RUFY3: variants seen among roughly 807,000 people sequenced by gnomAD.
The protein encoded by RUFY3 is protein RUFY3.
RUFY3 carries 34 observed loss-of-function variants against 84.0 expected under a neutral mutation model. That is an observed-to-expected ratio of 0.40 (90% CI 0.31 to 0.54). RUFY3 has a LOEUF of 0.54. RUFY3 is among the 20% of genes least tolerant of loss of function. The pLI is 0.39. For synonymous variants in RUFY3, 242 were observed against 252.9 expected (o/e 0.96, Z 0.41); for missense variants, 507 against 736.8 (o/e 0.69, Z 3.61).
chr4:70,800,741 G>T (rs1732121196), intron 15 of RUFY3, among the ~76,000 whole-genome samples: 1 of 152,134 alleles, frequency 6.6e-6, no homozygotes, highest in African/African-American at 2.4e-5. Flanking sequence ...AATTAGTCGG[G>T]TCTGGTGGTA....
At chr4:70,733,073 A>AAGAG (rs1223448881) in intron 1 of RUFY3, among the ~76,000 whole-genome samples, 5 of 112,408 alleles carry the variant, frequency 4.4e-5, no homozygotes, top group African/African-American at 1.2e-4. Context: ...TTTCAAAAGA[A>AAGAG]AGAGAGAGAG....
Position 70,768,598 on chromosome 4 carries a change from G to C in RUFY3, c.633G>C (p.Leu211=), listed in dbSNP as rs1320201803. 25 of 1,613,986 alleles carry C rather than the reference G, an allele frequency of 1.5e-5. 1 individual carries two copies. Among genetic ancestry groups the C allele is most frequent in the South Asian group, 4.4e-5 (4 of 91,074 alleles). Residue 211 remains leucine, a synonymous_variant, in exon 5 of 18, where the codon CTG becomes CTC. Transcript: ENST00000381006. ...MEEEGAIIAG[L]LVGLNVIDAN... ...AAGAAGGAGCCATAATTGCTGGTCT[G>C]TTGGTGGGTCTGAATGTCATTGATG... is the stretch of plus-strand genomic sequence containing the variant.
chr4:70,727,741 C>T (rs535888899), intron 1 of RUFY3, among the ~76,000 whole-genome samples: 69 of 148,590 alleles, frequency 4.6e-4, no homozygotes, highest in African/African-American at 1.7e-3. Context: ...GAGCCGAGAT[C>T]GTGCCACTGC....
At chr4:70,741,608 CT>C in intron 1 of RUFY3, 1 of 1,516,312 alleles carries the variant, frequency 6.6e-7, no homozygotes, top group Non-Finnish European at 8.8e-7. Context: ...CTTTTCCTTT[CT>C]TTTTGCCGTT....
rs560891175 is a variant in RUFY3 at position 70,771,232 on chromosome 4, C to T, written c.697-2279C>T. Among the ~76,000 whole-genome samples, 345 of 152,012 alleles carry T rather than the reference C, an allele frequency of 2.3e-3. 1 individual carries two copies. The highest frequency in any genetic ancestry group is 4.2e-3 in the Non-Finnish European group (287 of 67,998). On this transcript the variant is annotated intron_variant, in intron 5 of 17. Coordinates refer to ENST00000381006, the MANE Select transcript of RUFY3 (RefSeq NM_001037442.4). ...AAATGGCACTAATATACTTGCATGA[C>T]GCAGGGTTGCCACAAACCTTCAATT...
upstream of RUFY3, chr4:70,704,361 AC>A (rs2148542234): frequency 6.6e-6 from 1 of 152,392 alleles, no homozygotes; most frequent in East Asian, 1.9e-4. Flanking sequence ...ACAGTTTAAT[AC>A]CCGGGGGCAG....
rs542017345 is a variant in RUFY3, at chr4:70,707,664, C to T, written c.358+2370C>T. Among the ~76,000 whole-genome samples, 4 of 151,656 alleles carry T rather than the reference C, an allele frequency of 2.6e-5. No individual in the cohort carries two copies. In the South Asian group the frequency reaches 8.3e-4, roughly 32 times the overall value. ...TTACTGGGAATATATACGTGTCCCA[C>T]TTCCTCTGCTTTTAAAGATTAGTCA... On this transcript the variant is annotated intron_variant, in intron 1 of 11. Coordinates refer to the RUFY3 transcript ENST00000417478.
rs201038024 is a variant in RUFY3, at chr4:70,788,853, G to C, written c.1119G>C (p.Met373Ile). The change falls in exon 11 of 18, where the codon ATG becomes ATC. Residue 373 changes from methionine to isoleucine, a missense_variant. By Grantham distance (10) the Met-to-Ile change is conservative (BLOSUM62 1). This residue lies in a region of RUFY3 where 334 missense variants were observed against 364.1 expected (regional missense o/e 0.92). Coordinates refer to ENST00000381006, the MANE Select transcript of RUFY3 (RefSeq NM_001037442.4). ...TGCAGATCAGCATGAGGCAGGAGAT[G>C]GAATTGGCTATGAAGATGCTGGAGA... ...LEMQISMRQE[M>I]ELAMKMLEKD... 2.2e-5 allele frequency: 36 copies of C among 1,614,028 alleles called. No individual in the cohort carries two copies. Among genetic ancestry groups the C allele is most frequent in the Non-Finnish European group, 3.0e-5 (35 of 1,180,034 alleles).
Position 70,722,256 on chromosome 4 carries a change from G to C in RUFY3, c.-318G>C. 1 of 1,229,938 alleles carries C rather than the reference G, an allele frequency of 8.1e-7. No individual in the cohort carries two copies. Among genetic ancestry groups the C allele is most frequent in the East Asian group, 3.2e-5 (1 of 31,652 alleles). The allele number at this position is 1,229,938 out of a possible 1,614,324, so 76.2% of individuals were successfully genotyped here. On this transcript the variant is annotated 5_prime_UTR_variant, in exon 1 of 18. Coordinates refer to ENST00000381006, the MANE Select transcript of RUFY3 (RefSeq NM_001037442.4). ...GGGATTTAAAGCCTATAGCTCAGCT[G>C]AAAAAAAAGGTGGGGGGCAGGGAAG...
At chr4:70,754,728 C>G (rs567130667) in intron 1 of RUFY3, among the ~76,000 whole-genome samples, 1 of 151,980 alleles carries the variant, frequency 6.6e-6, no homozygotes, top group East Asian at 1.9e-4. Flanking sequence ...TTCTTTCTTT[C>G]ACAATCAAGG....
rs766087401 is a variant in RUFY3 at position 70,793,739 on chromosome 4, C to T, written c.1338-46C>T. On this transcript the variant is annotated intron_variant, in intron 12 of 17. Coordinates refer to ENST00000381006, the MANE Select transcript of RUFY3 (RefSeq NM_001037442.4). ...GTTGTGAACTTGGTCTTCTTCCCCA[C>T]CATGGCTTTTGTTTTTTATCACAAG... The T allele has an allele frequency of 5.6e-6, 9 of 1,613,510 alleles. No homozygotes were observed. In the Admixed American group the frequency reaches 1.3e-4, roughly 24 times the overall value.
At chr4:70,804,813 T>A (rs1732663798) in intron 17 of RUFY3, among the ~76,000 whole-genome samples, 1 of 149,208 alleles carries the variant, frequency 6.7e-6, no homozygotes, top group South Asian at 2.1e-4. Context: ...TAATCCCAGC[T>A]ACTCAGGTTG....
At chr4:70,703,797 A>T (rs1400302570), upstream of RUFY3, 1 of 152,262 alleles carries the variant, frequency 6.6e-6, no homozygotes, top group Non-Finnish European at 1.5e-5. Flanking sequence ...CCTTTCAAAG[A>T]AGTACAACTT....
chr4:70,714,652 A>G (rs1321931298), intron 1 of RUFY3, among the ~76,000 whole-genome samples: 1 of 152,246 alleles, frequency 6.6e-6, no homozygotes, highest in Non-Finnish European at 1.5e-5. Context: ...ATACATATCT[A>G]TACCAGCAAG....
chr4:70,768,489 T>G, intron 4 of RUFY3, 49 bp from the exon 5 acceptor site: 1 of 1,594,164 alleles, frequency 6.3e-7, no homozygotes, highest in Non-Finnish European at 8.6e-7. Flanking sequence ...TGTCTCTGGA[T>G]TTTTGAGATT....
intron 8 of RUFY3, among the ~76,000 whole-genome samples, chr4:70,778,838 C>T (rs1012408473): frequency 6.6e-6 from 1 of 152,132 alleles, no homozygotes; most frequent in African/African-American, 2.4e-5. Flanking sequence ...CCTCAGCCTC[C>T]CAAAGTGCTG....
In RUFY3 at chr4:70,806,677, T is replaced by C. The variant is rs368960995; in HGVS notation, c.*18T>C. 9.9e-6 allele frequency: 16 copies of C among 1,613,844 alleles called. No homozygotes were observed. The African/African-American group carries it at 1.7e-4, about 17-fold the overall frequency. ...CATCATAAGACTGGAGGCCAAGACC[T>C]GGACCAAAACGTTTATGCAGGCTCC... On this transcript the variant is annotated 3_prime_UTR_variant, in exon 18 of 18. Transcript: ENST00000381006.
intron 5 of RUFY3, among the ~76,000 whole-genome samples, chr4:70,772,292 G>T (rs1226146433): frequency 6.6e-6 from 1 of 152,090 alleles, no homozygotes; most frequent in Non-Finnish European, 1.5e-5. Context: ...AGCCCTTACA[G>T]TCAGCCCTCT....
At position 70,808,179 on chromosome 4, in the gene RUFY3, G is replaced by A. The variant is rs1733018221; in HGVS notation, c.*1520G>A. Among the ~76,000 whole-genome samples the A allele has an allele frequency of 6.6e-6, 1 of 152,022 alleles. No individual in the cohort carries two copies. The highest frequency in any genetic ancestry group is 1.9e-4 in the East Asian group (1 of 5,186). The stretch of plus-strand genomic sequence containing the variant: ...AGTAAATTCAAGTTTTGCTTTTTTG[G>A]AACTTTGTGGAATTTTTCTTTTTCT... On this transcript the variant is annotated 3_prime_UTR_variant, in exon 18 of 18. Transcript: ENST00000381006.
Sources: allele counts gnomAD v4.1 joint callset (sites outside exome capture counted in the v4.1 genomes callset), GRCh38; gene constraint gnomAD v4.1.1; regional missense constraint gnomAD v4.1.1; transcripts MANE v1.5; gene names NCBI Gene and HGNC (gene_info 2026-07-23, HGNC 2026-07-21).